Variants in DOCK1 observed in about 807,000 individuals in gnomAD.
DOCK1 encodes the protein dedicator of cytokinesis 1.
A neutral mutation model predicts 262.7 loss-of-function variants in DOCK1; 138 were observed. That is an observed-to-expected ratio of 0.53 (90% CI 0.46 to 0.61). DOCK1 has a LOEUF of 0.61. Ranked by LOEUF, DOCK1 falls within the 20% of genes least tolerant of loss-of-function variation. The pLI, the probability that DOCK1 is intolerant of heterozygous loss-of-function variation, is 0.00. For missense variants in DOCK1, 1,908 were observed against 2,370.7 expected (o/e 0.80, Z 4.05); for synonymous variants, 866 against 867.4 (o/e 1.00, Z 0.03).
At chr10:127,225,027 C>T (rs750490734) in intron 27 of DOCK1, among the ~76,000 whole-genome samples, 1 of 152,098 alleles carries the variant, frequency 6.6e-6, no homozygotes, top group Non-Finnish European at 1.5e-5. Context: ...AATATACATA[C>T]ATTCTTTTTC....
chr10:127,033,233 G>A (rs1213096446), intron 18 of DOCK1, among the ~76,000 whole-genome samples: 6 of 146,994 alleles, frequency 4.1e-5, no homozygotes, highest in Non-Finnish European at 7.6e-5. Context: ...AGCCCTACTC[G>A]TGCTGTGGGA....
chr10:127,048,141 A>G (rs1352594135), intron 21 of DOCK1, among the ~76,000 whole-genome samples: 1 of 152,176 alleles, frequency 6.6e-6, no homozygotes, highest in Non-Finnish European at 1.5e-5. Context: ...GCAATCTGTG[A>G]ATGTTCTTTT....
intron 27 of DOCK1, chr10:127,196,209 C>T (rs1181045508): frequency 6.7e-6 from 1 of 149,582 alleles, no homozygotes; most frequent in Non-Finnish European, 1.5e-5. Context: ...CGGCCCGGCC[C>T]TGCTGGCCCG....
At chr10:127,059,935 C>T (rs1448173508) in intron 22 of DOCK1, among the ~76,000 whole-genome samples, 2 of 152,108 alleles carry the variant, frequency 1.3e-5, no homozygotes, top group African/African-American at 4.8e-5. Flanking sequence ...ATTCATCCTG[C>T]CTTCTTCTAG....
intron 23 of DOCK1, among the ~76,000 whole-genome samples, chr10:127,085,472 A>G (rs1254824974): frequency 6.6e-6 from 1 of 152,058 alleles, no homozygotes; most frequent in Non-Finnish European, 1.5e-5. Flanking sequence ...TAAGAAAGGA[A>G]CTCTTGGCCG....
At chr10:127,212,492 G>A (rs902396403) in intron 27 of DOCK1, among the ~76,000 whole-genome samples, 5 of 152,048 alleles carry the variant, frequency 3.3e-5, no homozygotes, top group East Asian at 1.9e-4. Context: ...TTGATTCAGC[G>A]GGCAGGTGCG....
At chr10:127,440,148 AAG>A (rs1334097754) in intron 49 of DOCK1, among the ~76,000 whole-genome samples, 1 of 108,794 alleles carries the variant, frequency 9.2e-6, no homozygotes, top group African/African-American at 3.6e-5. Flanking sequence ...CATGGTGAGA[AAG>A]AGAGTATGGG....
At chr10:127,142,299 C>A (rs1404966944) in intron 27 of DOCK1, among the ~76,000 whole-genome samples, 1 of 152,214 alleles carries the variant, frequency 6.6e-6, no homozygotes, top group Non-Finnish European at 1.5e-5. Context: ...TCTGAGGACT[C>A]TGGCTGTGGC....
At chr10:127,232,588 G>A (rs747516519) in intron 27 of DOCK1, among the ~76,000 whole-genome samples, 1 of 152,098 alleles carries the variant, frequency 6.6e-6, no homozygotes, top group Non-Finnish European at 1.5e-5. Flanking sequence ...AGTGTCTGAG[G>A]TTTCTGATTC....
chr10:127,369,272 A>T (rs954675275), intron 33 of DOCK1, among the ~76,000 whole-genome samples: 1 of 152,184 alleles, frequency 6.6e-6, no homozygotes, highest in African/African-American at 2.4e-5. Context: ...TTAATTCATT[A>T]GGATTTTATT....
chr10:127,179,523 A>G (rs2055516931), intron 27 of DOCK1, among the ~76,000 whole-genome samples: 1 of 152,190 alleles, frequency 6.6e-6, no homozygotes, highest in Non-Finnish European at 1.5e-5. Flanking sequence ...AAATGAGGTT[A>G]TGAGTTCTTT....
At chr10:127,281,758 C>T (rs963466211) in intron 29 of DOCK1, among the ~76,000 whole-genome samples, 17 of 152,108 alleles carry the variant, frequency 1.1e-4, no homozygotes, top group Non-Finnish European at 2.2e-4. Context: ...TCCTTTTGAC[C>T]GGGATGATTT....
rs545718268 is a variant in DOCK1 at position 127,129,656 on chromosome 10, G to A, written c.2847+1892G>A. 5.3e-5 allele frequency among the ~76,000 whole-genome samples: 8 copies of A among 152,284 alleles called. No individual in the cohort carries two copies. The South Asian group carries it at 8.3e-4, about 16-fold the overall frequency. On this transcript the variant is annotated intron_variant, in intron 27 of 51. Transcript: ENST00000623213. ...GTTCCTGTCTTCTTGGAGTCGTGCC[G>A]CAGGTGCACTCTGCACAGTCTCAGG...
chr10:127,260,096 A>G (rs1481242498), intron 29 of DOCK1, among the ~76,000 whole-genome samples: 1 of 152,216 alleles, frequency 6.6e-6, no homozygotes, highest in Non-Finnish European at 1.5e-5. Flanking sequence ...GCTGCAAACC[A>G]GTGGCAACCT....
chr10:126,978,011 A>C, intron 3 of DOCK1, 23 bp downstream of exon 3: 1 of 1,609,918 alleles, frequency 6.2e-7, no homozygotes, highest in Non-Finnish European at 8.5e-7. Flanking sequence ...TCTTAAACAC[A>C]GTGCATGTCT....
At chr10:127,091,256 TACAGGCGTGAGCCACTGC>T (rs1476849989) in intron 23 of DOCK1, among the ~76,000 whole-genome samples, 9 of 152,186 alleles carry the variant, frequency 5.9e-5, no homozygotes, top group African/African-American at 2.2e-4. Flanking sequence ...GTGCTGGGAT[TACAGGCGTGAGCCACTGC>T]GCCCAGCCTG....
intron 27 of DOCK1, chr10:127,154,066 C>T (rs771847488): frequency 1.4e-5 from 9 of 634,766 alleles, no homozygotes; most frequent in Non-Finnish European, 2.6e-5. Context: ...TCCCAGTTTG[C>T]TCCTGTCTCT....
intron 27 of DOCK1, among the ~76,000 whole-genome samples, chr10:127,215,713 C>T (rs1231483101): frequency 6.6e-6 from 1 of 151,676 alleles, no homozygotes; most frequent in African/African-American, 2.4e-5. Flanking sequence ...ATTAAATTGA[C>T]CTAAAGAAAA....
chr10:127,242,585 T>A lies in DOCK1; in HGVS notation c.2848-5423T>A, dbSNP rs369488882. Among the ~76,000 whole-genome samples the A allele has an allele frequency of 1.2e-4, 19 of 152,228 alleles. No individual in the cohort carries two copies. The East Asian group carries it at 1.3e-3, about 11-fold the overall frequency. ...TCATAATATTGCTTTACAGTATTGA[T>A]TCTTTGGCTTGAATGCGCCCCAAAA... On this transcript the variant is annotated intron_variant, in intron 27 of 51. Transcript: ENST00000623213.
Sources: gnomAD v4.1 joint callset for allele counts (sites outside exome capture counted in the v4.1 genomes callset) on GRCh38, gnomAD v4.1.1 for gene constraint, MANE v1.5 for transcripts, NCBI Gene and HGNC (gene_info 2026-07-23, HGNC 2026-07-21) for gene names.